The following CMTM8 variants were observed in gnomAD, a reference collection of about 807,000 sequenced individuals.
The protein encoded by CMTM8 is CKLF-like MARVEL transmembrane domain-containing protein 8.
CMTM8 carries 12 observed loss-of-function variants against 18.6 expected under a neutral mutation model. That is an observed-to-expected ratio of 0.65 (90% confidence interval 0.41 to 1.05). CMTM8 has a LOEUF of 1.05. Ranked by LOEUF, CMTM8 falls within the 50% of genes least tolerant of loss-of-function variation. The pLI is 0.00. For synonymous variants in CMTM8, 87 were observed against 90.6 expected, an observed-to-expected ratio of 0.96 and a Z score of 0.23; for missense variants, 217 against 227.2, an observed-to-expected ratio of 0.95 and a Z score of 0.29.
intron 1 of CMTM8, among the ~76,000 whole-genome samples, chr3:32,293,733 C>T (rs533567130): frequency 6.6e-6 from 1 of 152,236 alleles, no homozygotes; most frequent in Admixed American, 6.5e-5. Flanking sequence ...GTAGTCCCAG[C>T]TACTCGGGAG....
intron 1 of CMTM8, among the ~76,000 whole-genome samples, chr3:32,329,782 A>G (rs1033521621): frequency 6.6e-6 from 1 of 152,216 alleles, no homozygotes; most frequent in African/African-American, 2.4e-5. Context: ...AAGAGAAATA[A>G]AAGACATCCA....
intron 1 of CMTM8, among the ~76,000 whole-genome samples, chr3:32,322,216 A>G (rs147384337): frequency 6.6e-6 from 1 of 152,210 alleles, no homozygotes; most frequent in Non-Finnish European, 1.5e-5. Flanking sequence ...TGTGCAGTCC[A>G]ATTCAGATTA....
chr3:32,349,683 C>T (rs1024498540), intron 1 of CMTM8, among the ~76,000 whole-genome samples: 2 of 152,094 alleles, frequency 1.3e-5, no homozygotes, highest in Non-Finnish European at 2.9e-5. Flanking sequence ...CTACAGTGTA[C>T]AGTGCACAGG....
At chr3:32,282,623 C>G (rs1702624770) in intron 1 of CMTM8, among the ~76,000 whole-genome samples, 1 of 152,186 alleles carries the variant, frequency 6.6e-6, no homozygotes, top group Admixed American at 6.5e-5. Context: ...ACCCCCTACA[C>G]CGGTCTGCTC....
At chr3:32,332,230 G>T (rs573109294) in intron 1 of CMTM8, among the ~76,000 whole-genome samples, 3 of 152,188 alleles carry the variant, frequency 2.0e-5, no homozygotes, top group South Asian at 2.1e-4. Flanking sequence ...GCAGCCCGTC[G>T]CAGTGGACGC....
At chr3:32,351,426 G>T (rs9862911) in intron 1 of CMTM8, among the ~76,000 whole-genome samples, 17 of 152,088 alleles carry the variant, frequency 1.1e-4, no homozygotes, top group African/African-American at 3.9e-4. Context: ...CAATTATGTC[G>T]GCCAGGCATG....
chr3:32,273,128 A>AGTGTGT (rs1559366913), intron 1 of CMTM8, among the ~76,000 whole-genome samples: 1 of 64,808 alleles, frequency 1.5e-5, no homozygotes, highest in Non-Finnish European at 3.4e-5. Flanking sequence ...AATTGGAACA[A>AGTGTGT]ATGTGTGTGT....
chr3:32,361,286 G>GTTTGTTTTTTTTTGTTTTTTTTTTTT (rs140270969), intron 2 of CMTM8, among the ~76,000 whole-genome samples: 1 of 87,230 alleles, frequency 1.1e-5, no homozygotes. Flanking sequence ...CAGCCTAAGA[G>GTTTGTTTTTTTTTGTTTTTTTTTTTT]TTTTTTTTTC....
chr3:32,266,514 A>G (rs1702349126), intron 1 of CMTM8, among the ~76,000 whole-genome samples: 1 of 152,228 alleles, frequency 6.6e-6, no homozygotes, highest in South Asian at 2.1e-4. Context: ...ATGGGCAAAA[A>G]CTGGAAGCAT....
At chr3:32,277,583 C>T (rs1438732400) in intron 1 of CMTM8, among the ~76,000 whole-genome samples, 6 of 151,880 alleles carry the variant, frequency 4.0e-5, no homozygotes, top group African/African-American at 7.3e-5. Context: ...TGAGAGTTTG[C>T]GGGAACTGTG....
rs910450189 is a variant in CMTM8 at position 32,344,389 on chromosome 3, G to A, written c.148-12984G>A. On this transcript the variant is annotated intron_variant, in intron 1 of 3. Transcript: ENST00000307526. ...CAAGACTAAAGTCAAAAATAAATCA[G>A]CCAACTTATGTCCTATAGCAATGTA... Among the ~76,000 whole-genome samples, 9 of 152,240 alleles carry A rather than the reference G, an allele frequency of 5.9e-5. No homozygotes were observed. In the East Asian group the frequency reaches 1.5e-3, roughly 26 times the overall value.
chr3:32,292,832 G>A (rs762791021), intron 1 of CMTM8, among the ~76,000 whole-genome samples: 1 of 152,026 alleles, frequency 6.6e-6, no homozygotes, highest in African/African-American at 2.4e-5. Flanking sequence ...TCTGTGAAGG[G>A]CAAAATCACC....
At chr3:32,268,021 C>T (rs10865845) in intron 1 of CMTM8, among the ~76,000 whole-genome samples, 151,428 of 152,296 alleles carry the variant, frequency 0.99, 75,296 homozygotes, top group Middle Eastern at 1. Context: ...TCAACCATTG[C>T]AGAAGTCAAT....
chr3:32,351,077 C>T (rs1293317377), intron 1 of CMTM8, among the ~76,000 whole-genome samples: 1 of 152,168 alleles, frequency 6.6e-6, no homozygotes, highest in Non-Finnish European at 1.5e-5. Context: ...GATATACTTT[C>T]CAATAATGCT....
intron 1 of CMTM8, among the ~76,000 whole-genome samples, chr3:32,311,493 C>T (rs148402685): frequency 5.9e-5 from 9 of 152,338 alleles, no homozygotes; most frequent in East Asian, 1.9e-4. Context: ...CTCATGGCTC[C>T]GTTCCACTCT....
rs185279442 is a variant in CMTM8 at position 32,318,483 on chromosome 3, T to G, written c.148-38890T>G. Reference sequence around the variant, plus strand: ...TTTAGGTCTCAGGAATGGCTGGTTTTATTTTTATCTTATTGTGAGAAATGT... The same window carrying G: ...TTTAGGTCTCAGGAATGGCTGGTTTGATTTTTATCTTATTGTGAGAAATGT... On this transcript the variant is annotated intron_variant, in intron 1 of 3. Transcript: ENST00000307526. Among the ~76,000 whole-genome samples the G allele has an allele frequency of 1.4e-3, 219 of 152,282 alleles. 2 individuals carry two copies. Among genetic ancestry groups the G allele is most frequent in the African/African-American group, 5.0e-3 (208 of 41,566 alleles).
chr3:32,354,703 G>A (rs991033200), intron 1 of CMTM8, among the ~76,000 whole-genome samples: 1 of 152,098 alleles, frequency 6.6e-6, no homozygotes, highest in African/African-American at 2.4e-5. Context: ...TGTTTCCTAT[G>A]TGAATCATCC....
chr3:32,303,433 T>C (rs1178137740), intron 1 of CMTM8, among the ~76,000 whole-genome samples: 4 of 152,230 alleles, frequency 2.6e-5, no homozygotes, highest in Admixed American at 2.6e-4. Context: ...GGGTCAAATG[T>C]GTTGGTTTAG....
chr3:32,299,937 A>G (rs942866264), intron 1 of CMTM8, among the ~76,000 whole-genome samples: 1 of 152,198 alleles, frequency 6.6e-6, no homozygotes, highest in Admixed American at 6.5e-5. Flanking sequence ...GTAATACATA[A>G]CTGAATGGAT....
Sources: allele counts gnomAD v4.1 joint callset (sites outside exome capture counted in the v4.1 genomes callset), GRCh38; gene constraint gnomAD v4.1.1; transcripts MANE v1.5; gene names NCBI Gene and HGNC (gene_info 2026-07-23, HGNC 2026-07-21).